The following PLD1 variants were observed in gnomAD, a reference collection of about 807,000 sequenced individuals.
PLD1 encodes the protein choline phosphatase 1.
In PLD1, 112 loss-of-function variants were observed where a neutral mutation model predicts 137.1. The observed-to-expected ratio is 0.82, with a 90% CI of 0.70 to 0.96. The LOEUF (loss-of-function observed/expected upper bound fraction) is 0.96, where lower values mean the gene tolerates loss of function less well. Among genes scored for constraint, PLD1 ranks in the 40% least tolerant of loss-of-function variants. PLD1 has a pLI of 0.00. For synonymous variants in PLD1, 431 were observed against 454.7 expected, an observed-to-expected ratio of 0.95 and a Z score of 0.66; for missense variants, 1,321 against 1,342.0, an observed-to-expected ratio of 0.98 and a Z score of 0.24.
intron 8 of PLD1, among the ~76,000 whole-genome samples, chr3:171,719,931 T>C (rs1717967225): frequency 6.6e-6 from 1 of 152,158 alleles, no homozygotes; most frequent in Non-Finnish European, 1.5e-5. Flanking sequence ...TGTATTTTTA[T>C]GGGTACAAAT....
chr3:171,620,734 CTCTCTCTCTATATATA>C (rs1368490141), intron 23 of PLD1, among the ~76,000 whole-genome samples: 4 of 76,716 alleles, frequency 5.2e-5, no homozygotes, highest in African/African-American at 2.3e-4. Context: ...CTCTCTCTCT[CTCTCTCTCTATATATA>C]TATATATATA....
At chr3:171,703,787 T>G (rs115181645) in intron 11 of PLD1, among the ~76,000 whole-genome samples, 1,743 of 152,278 alleles carry the variant, frequency 0.011, 34 homozygotes, top group African/African-American at 0.04. Flanking sequence ...AAACAGGCAT[T>G]GGCACAGAGA....
At chr3:171,618,832 C>T (rs1271185307) in intron 24 of PLD1, among the ~76,000 whole-genome samples, 3 of 122,388 alleles carry the variant, frequency 2.5e-5, no homozygotes, top group East Asian at 2.4e-4. Flanking sequence ...TTTTAATGTG[C>T]TATACAAATA....
Position 171,677,646 on chromosome 3 carries a change from C to T in PLD1, c.1916G>A (p.Gly639Glu). 1 of 1,613,928 alleles carries T rather than the reference C, an allele frequency of 6.2e-7. No individual in the cohort carries two copies. The highest frequency in any genetic ancestry group is 8.5e-7 in the Non-Finnish European group (1 of 1,179,824). ...CTTTCCATGCCAGAATCTGGTTTCC[C>T]CATGCAGCTCTCCCACACCTGTCTG... ...SLQTGVGELH[G>E]ETRFWHGKDY... is the part of the protein sequence containing the mutation. Residue 639 changes from glycine (G) to glutamate (E), a missense_variant, in exon 17 of 27, where the codon GGG becomes GAG. By Grantham distance (98) the Gly-to-Glu change is moderately conservative (BLOSUM62 -2). Coordinates refer to ENST00000351298, the MANE Select transcript of PLD1 (RefSeq NM_002662.5).
At chr3:171,743,683 A>T (rs559667868) in intron 1 of PLD1, among the ~76,000 whole-genome samples, 1 of 152,334 alleles carries the variant, frequency 6.6e-6, no homozygotes, top group African/African-American at 2.4e-5. Flanking sequence ...ACGGGCTCAC[A>T]CACAGCATTT....
intron 13 of PLD1, among the ~76,000 whole-genome samples, chr3:171,690,153 G>A (rs1003676292): frequency 2.0e-5 from 3 of 152,016 alleles, no homozygotes; most frequent in Non-Finnish European, 4.4e-5. Context: ...CTAGGTTATC[G>A]AATTGCTTAC....
chr3:171,642,312 T>C (rs1735822660), intron 23 of PLD1, among the ~76,000 whole-genome samples: 1 of 151,136 alleles, frequency 6.6e-6, no homozygotes, highest in Admixed American at 6.6e-5. Flanking sequence ...AAAAAATTAG[T>C]TGGGCATGGT....
At chr3:171,722,000 A>G in intron 8 of PLD1, among the ~76,000 whole-genome samples, 1 of 152,168 alleles carries the variant, frequency 6.6e-6, no homozygotes, top group East Asian at 1.9e-4. Flanking sequence ...GAATATACAC[A>G]TAGCTCAATT....
intron 23 of PLD1, among the ~76,000 whole-genome samples, chr3:171,633,334 C>T (rs949419511): frequency 1.3e-5 from 2 of 152,100 alleles, no homozygotes; most frequent in Non-Finnish European, 2.9e-5. Context: ...CATACATAAG[C>T]ATTAATGTGA....
intron 4 of PLD1, 106 bp downstream of exon 4, chr3:171,735,386 T>C: frequency 1.1e-6 from 1 of 913,904 alleles, no homozygotes; most frequent in Admixed American, 1.9e-5. Context: ...TCCTCCTGCC[T>C]CAGCCTCCCA....
intron 1 of PLD1, among the ~76,000 whole-genome samples, chr3:171,738,314 G>GA (rs923944744): frequency 2.8e-4 from 40 of 142,498 alleles, no homozygotes; most frequent in South Asian, 2.3e-4. Context: ...AAAAAAAAAA[G>GA]AAAAAAAAAA....
In PLD1 at chr3:171,747,630, C is replaced by T. The variant is rs189478066; in HGVS notation, c.-31-9548G>A. ...TGTTTTTTTCTGAACCATCCTGGCT[C>T]CTGCAGAAATTCATTTATGCTGAAT... is the stretch of plus-strand genomic sequence containing the variant. On this transcript the variant is annotated intron_variant, in intron 1 of 26. Coordinates refer to ENST00000351298, the MANE Select transcript of PLD1 (RefSeq NM_002662.5). 1.3e-3 allele frequency among the ~76,000 whole-genome samples: 200 copies of T among 152,242 alleles called. 1 individual carries two copies. The highest frequency in any genetic ancestry group is 4.6e-3 in the African/African-American group (192 of 41,540).
chr3:171,689,241 C>G (rs1578280275), intron 13 of PLD1, among the ~76,000 whole-genome samples: 1 of 151,976 alleles, frequency 6.6e-6, no homozygotes, highest in East Asian at 1.9e-4. Flanking sequence ...TATTTAACTA[C>G]TATTTATCTC....
chr3:171,635,327 T>C (rs1218616395), intron 23 of PLD1, among the ~76,000 whole-genome samples: 2 of 152,184 alleles, frequency 1.3e-5, no homozygotes, highest in Non-Finnish European at 2.9e-5. Flanking sequence ...TATTTAACTT[T>C]TGCAGAAATG....
intron 3 of PLD1, 24 bp downstream of exon 3, chr3:171,737,508 G>C: frequency 6.3e-7 from 1 of 1,586,402 alleles, no homozygotes; most frequent in East Asian, 2.2e-5. Flanking sequence ...AAAGAAAAAA[G>C]GGTGAGTCCA....
chr3:171,697,484 G>A (rs928072087), intron 12 of PLD1, among the ~76,000 whole-genome samples: 13 of 151,570 alleles, frequency 8.6e-5, no homozygotes, highest in Admixed American at 8.5e-4. Flanking sequence ...TCCCCACACC[G>A]CCCTGCCCCG....
At chr3:171,634,733 G>C (rs1332895408) in intron 23 of PLD1, among the ~76,000 whole-genome samples, 1 of 151,980 alleles carries the variant, frequency 6.6e-6, no homozygotes, top group African/African-American at 2.4e-5. Context: ...TTTTAAATTT[G>C]TATTTAAAGT....
Position 171,643,081 on chromosome 3 carries a change from A to G in PLD1, c.2544-192T>C, listed in dbSNP as rs1444345387. The G allele has an allele frequency of 3.7e-5, 16 of 433,910 alleles. No homozygotes were observed. The South Asian group carries it at 7.5e-4, about 20-fold the overall frequency. 26.9% of individuals were successfully genotyped at this position (433,910 alleles called of 1,614,324 possible). ...TTGTAATGCTACTAATAGGGACATGATAGTTGTTTTGAGGTAGGTAAATGG... is the reference window on the plus strand; with the variant it reads ...TTGTAATGCTACTAATAGGGACATGGTAGTTGTTTTGAGGTAGGTAAATGG... On this transcript the variant is annotated intron_variant, in intron 22 of 26. Coordinates refer to ENST00000351298, the MANE Select transcript of PLD1 (RefSeq NM_002662.5).
intron 1 of PLD1, among the ~76,000 whole-genome samples, chr3:171,772,692 G>T (rs754439190): frequency 1.2e-4 from 18 of 152,296 alleles, no homozygotes; most frequent in Non-Finnish European, 2.4e-4. Flanking sequence ...ACAAACCTCA[G>T]GGGAAATGTT....
Sources: gnomAD v4.1 joint callset for allele counts (sites outside exome capture counted in the v4.1 genomes callset) on GRCh38, gnomAD v4.1.1 for gene constraint, MANE v1.5 for transcripts, NCBI Gene and HGNC (gene_info 2026-07-23, HGNC 2026-07-21) for gene names.